Variants in KCNC1 observed in about 807,000 individuals in gnomAD.
KCNC1 encodes the protein voltage-gated potassium channel KCNC1.
KCNC1 carries 8 observed loss-of-function variants against 43.4 expected under a neutral mutation model. The ratio of observed to expected loss-of-function variants is 0.18; its 90% CI spans 0.11 to 0.33. The LOEUF is 0.33. KCNC1 is among the 10% of genes least tolerant of loss of function. KCNC1 has a pLI of 1.00. For synonymous variants in KCNC1, 361 were observed against 360.5 expected, an observed-to-expected ratio of 1.00 and a Z score of -0.01; for missense variants, 420 against 836.0, an observed-to-expected ratio of 0.50 and a Z score of 6.14.
chr11:17,742,036 A>C lies in KCNC1; in HGVS notation c.570+5464A>C, dbSNP rs1173382775. The stretch of plus-strand genomic sequence containing the variant: ...TGATTTGGGCTCATCTCTCCTCTAG[A>C]CTGTAAGCCTCTGGCATGCTCTATA... On this transcript the variant is annotated intron_variant, in intron 1 of 3. Transcript: ENST00000265969. The surrounding 1 kb of genome is among the most constrained non-coding windows in gnomAD (Gnocchi z 4.2). Among the ~76,000 whole-genome samples the C allele has an allele frequency of 6.6e-6, 1 of 152,030 alleles. No homozygotes were observed. Among genetic ancestry groups the C allele is most frequent in the African/African-American group, 2.4e-5 (1 of 41,406 alleles).
chr11:17,766,486 G>T (rs1315098942), intron 1 of KCNC1, among the ~76,000 whole-genome samples: 1 of 152,144 alleles, frequency 6.6e-6, no homozygotes, highest in Non-Finnish European at 1.5e-5. Context: ...ACAGCCCCGG[G>T]GATGACAGCC....
chr11:17,766,874 A>G (rs1175095651), intron 1 of KCNC1, among the ~76,000 whole-genome samples: 1 of 150,426 alleles, frequency 6.6e-6, no homozygotes. Flanking sequence ...AGCTCAATAC[A>G]CTTGGGAGGC....
At chr11:17,746,421 G>A (rs189569509) in intron 1 of KCNC1, among the ~76,000 whole-genome samples, 2 of 152,182 alleles carry the variant, frequency 1.3e-5, no homozygotes, top group African/African-American at 2.4e-5. Context: ...AAGTTCCTAC[G>A]TCCCACTTGG....
At chr11:17,778,616 G>C (rs1849311690) in intron 2 of KCNC1, among the ~76,000 whole-genome samples, 1 of 152,234 alleles carries the variant, frequency 6.6e-6, no homozygotes. Flanking sequence ...TGATCAGCTT[G>C]GGTCCGTCCA....
chr11:17,762,485 G>A (rs192223218), intron 1 of KCNC1, among the ~76,000 whole-genome samples: 47 of 152,286 alleles, frequency 3.1e-4, no homozygotes, highest in Admixed American at 3.0e-3. Flanking sequence ...GACAATGAAG[G>A]CTCAGAAAGG....
At chr11:17,740,333 G>A (rs7105029) in intron 1 of KCNC1, among the ~76,000 whole-genome samples, 142,303 of 152,118 alleles carry the variant, frequency 0.94, 67,314 homozygotes, top group East Asian at 1. Flanking sequence ...ACTGTTTGGA[G>A]AGGCTATGAA....
At chr11:17,775,329 C>T in intron 2 of KCNC1, 1 of 985,052 alleles carries the variant, frequency 1.0e-6, no homozygotes, top group Non-Finnish European at 1.2e-6. Context: ...GCAGCACCTG[C>T]CCCTCACCTC....
chr11:17,763,772 A>C (rs1590102697), intron 1 of KCNC1, among the ~76,000 whole-genome samples: 2 of 108,240 alleles, frequency 1.8e-5, no homozygotes, highest in Non-Finnish European at 1.8e-5. Flanking sequence ...ACAAACCCCC[A>C]CACCACCCCA....
rs1565164834 is a variant in KCNC1, at chr11:17,779,401, G to T, written c.1505-55G>T. ...CCCCGCTTCTGGCCTGTCCCCCCCT[G>T]CCCCCCACTAAACAGTTTTCAGTGT... On this transcript the variant is annotated intron_variant, in intron 2 of 3. Transcript: ENST00000265969. This position sits in a 1 kb window ranked among gnomAD's most constrained non-coding sequence, Gnocchi z 7.2. 1.6e-5 allele frequency: 22 copies of T among 1,357,402 alleles called. No homozygotes were observed. The highest frequency in any genetic ancestry group is 2.0e-4 in the Middle Eastern group (1 of 5,026). 84.1% of individuals were successfully genotyped at this position (1,357,402 alleles called of 1,614,324 possible).
intron 2 of KCNC1, chr11:17,775,375 G>T (rs1849273976): frequency 4.1e-6 from 4 of 985,558 alleles, no homozygotes; most frequent in Non-Finnish European, 4.8e-6. Flanking sequence ...CAGTCTGTGT[G>T]TCTGTCCCAG....
At chr11:17,753,536 C>G (rs987401089) in intron 1 of KCNC1, among the ~76,000 whole-genome samples, 1 of 152,232 alleles carries the variant, frequency 6.6e-6, no homozygotes, top group Non-Finnish European at 1.5e-5. Context: ...AGCCTGGGTA[C>G]AAAACAATCT....
At chr11:17,745,451 C>T (rs895529469) in intron 1 of KCNC1, among the ~76,000 whole-genome samples, 10 of 152,214 alleles carry the variant, frequency 6.6e-5, no homozygotes, top group African/African-American at 2.4e-4. Flanking sequence ...CAGCTACCCC[C>T]CCGTGGAAGC....
rs534023014 is a variant in KCNC1, at chr11:17,736,461, G to A, written c.459G>A (p.Lys153=). ...GDGEDELEMT[K]RLALSDSPDG... ...GCGAGGACGAGCTGGAGATGACCAA[G>A]CGCCTGGCGCTCAGTGACTCCCCGG... The change falls in exon 1 of 4, where the codon AAG becomes AAA. Residue 153 remains lysine, a synonymous_variant. Transcript: ENST00000265969. This position sits in a 1 kb window ranked among gnomAD's most constrained non-coding sequence, Gnocchi z 9.3. 2 of 1,602,084 alleles carry A rather than the reference G, an allele frequency of 1.2e-6. No individual in the cohort carries two copies. Among genetic ancestry groups the A allele is most frequent in the East Asian group, 2.2e-5 (1 of 44,646 alleles).
chr11:17,772,393 C>T lies in KCNC1; in HGVS notation c.1299C>T (p.Pro433=), dbSNP rs202218342. Residue 433 remains proline, a synonymous_variant, in exon 2 of 4, where the codon CCC becomes CCT. Coordinates refer to ENST00000265969, the MANE Select transcript of KCNC1 (RefSeq NM_001112741.2). Reference sequence around the variant, plus strand: ...TGCTCACCATCGCCATGCCCGTGCCCGTCATCGTGAACAATTTCGGGATGT... The same window carrying T: ...TGCTCACCATCGCCATGCCCGTGCCTGTCATCGTGAACAATTTCGGGATGT... ...AGVLTIAMPV[P]VIVNNFGMYY... is the part of the protein sequence containing the mutation. 12 of 1,614,140 alleles carry T rather than the reference C, an allele frequency of 7.4e-6. No individual in the cohort carries two copies. Among genetic ancestry groups the T allele is most frequent in the Admixed American group, 5.0e-5 (3 of 60,020 alleles).
At chr11:17,746,175 C>A (rs1848897160) in intron 1 of KCNC1, among the ~76,000 whole-genome samples, 2 of 152,216 alleles carry the variant, frequency 1.3e-5, no homozygotes, top group African/African-American at 4.8e-5. Flanking sequence ...ATCCCTCCAT[C>A]CCCTGAGCCT....
rs1848751906 is a variant in KCNC1, at chr11:17,735,417, C to T, written c.-586C>T. ...CGCAGGGAGGAAGGCAGGCGGCATC[C>T]ATCTCCCCCGCGCCGAGAGCGCGCC... On this transcript the variant is annotated 5_prime_UTR_variant, in exon 1 of 4. Coordinates refer to ENST00000265969, the MANE Select transcript of KCNC1 (RefSeq NM_001112741.2). This position sits in a 1 kb window ranked among gnomAD's most constrained non-coding sequence, Gnocchi z 6.7. 6.6e-6 allele frequency: 1 copy of T among 152,098 alleles called. No individual in the cohort carries two copies. Among genetic ancestry groups the T allele is most frequent in the South Asian group, 2.1e-4 (1 of 4,824 alleles). The allele number at this position is 152,098 out of a possible 1,614,324, so 9.4% of individuals were successfully genotyped here.
rs576334178 is a variant in KCNC1 at position 17,781,968 on chromosome 11, G to A, written c.*234G>A. ...TTAAAATTTTATTTTATTTGGGGAG[G>A]GGGGGTGGAGGGGCTCCTTAGCATG... On this transcript the variant is annotated 3_prime_UTR_variant, in exon 4 of 4. Coordinates refer to ENST00000265969, the MANE Select transcript of KCNC1 (RefSeq NM_001112741.2). This position sits in a 1 kb window ranked among gnomAD's most constrained non-coding sequence, Gnocchi z 5.1. 4.4e-6 allele frequency: 2 copies of A among 454,658 alleles called. No homozygotes were observed. Among genetic ancestry groups the A allele is most frequent in the South Asian group, 5.1e-5 (1 of 19,578 alleles). 28.2% of individuals were successfully genotyped at this position (454,658 alleles called of 1,614,324 possible). A position where few individuals can be genotyped will look rare whatever the true frequency, so the allele number is the denominator to read the frequency against.
chr11:17,743,929 C>T (rs1848870257), intron 1 of KCNC1, among the ~76,000 whole-genome samples: 1 of 152,186 alleles, frequency 6.6e-6, no homozygotes. Flanking sequence ...ACTGAGTCAT[C>T]CAGTTTGTGA....
intron 1 of KCNC1, among the ~76,000 whole-genome samples, chr11:17,751,023 A>G (rs547075786): frequency 3.9e-5 from 6 of 152,326 alleles, no homozygotes; most frequent in Non-Finnish European, 7.3e-5. Flanking sequence ...TGCTAAAGCT[A>G]TGTGCCCCTG....
Sources: gnomAD v4.1 joint callset for allele counts (sites outside exome capture counted in the v4.1 genomes callset) on GRCh38, gnomAD v4.1.1 for gene constraint, Gnocchi (gnomAD v3.1) non-coding constraint, MANE v1.5 for transcripts, NCBI Gene and HGNC (gene_info 2026-07-23, HGNC 2026-07-21) for gene names.